Variants in KDM7A observed in about 807,000 individuals in gnomAD.
KDM7A encodes lysine-specific demethylase 7A.
A neutral mutation model predicts 114.8 loss-of-function variants in KDM7A; 28 were observed. That is an observed-to-expected ratio of 0.24 (90% confidence interval 0.18 to 0.33). KDM7A has a LOEUF of 0.33. Among genes scored for constraint, KDM7A ranks in the 10% least tolerant of loss-of-function variants. KDM7A has a pLI of 1.00. For synonymous variants in KDM7A, 423 were observed against 397.8 expected, an observed-to-expected ratio of 1.06 and a Z score of -0.75; for missense variants, 942 against 1,142.5, an observed-to-expected ratio of 0.82 and a Z score of 2.53.
At chr7:140,161,405 C>T (rs1794516649) in intron 1 of KDM7A, among the ~76,000 whole-genome samples, 1 of 152,262 alleles carries the variant, frequency 6.6e-6, no homozygotes, top group Non-Finnish European at 1.5e-5. Context: ...AGTTAAAATG[C>T]TACCAAAACT....
rs1183665386 is a variant in KDM7A, at chr7:140,176,723, G to A, written c.194+21C>T. ...CGGTGGCCGGCGGTGGCGGCTGCGG[G>A]GCTGGAGGGGGTTTATTTACCTGCC... On this transcript the variant is annotated intron_variant, in intron 1 of 19. Transcript: ENST00000397560. This position sits in a 1 kb window ranked among gnomAD's most constrained non-coding sequence, Gnocchi z 4.4. The A allele has an allele frequency of 1.6e-6, 2 of 1,281,990 alleles. No homozygotes were observed. The highest frequency in any genetic ancestry group is 1.7e-5 in the South Asian group (1 of 59,172). The allele number at this position is 1,281,990 out of a possible 1,614,324, so 79.4% of individuals were successfully genotyped here. A position where few individuals can be genotyped will look rare whatever the true frequency, so the allele number is the denominator to read the frequency against.
chr7:140,130,013 G>A (rs1306789013), intron 3 of KDM7A, among the ~76,000 whole-genome samples: 1 of 152,050 alleles, frequency 6.6e-6, no homozygotes, highest in Non-Finnish European at 1.5e-5. Flanking sequence ...TTTGAGAATT[G>A]AAGAGCTCAC....
chr7:140,119,084 C>T (rs1562951376), intron 9 of KDM7A, 29 bp downstream of exon 9: 3 of 1,312,820 alleles, frequency 2.3e-6, no homozygotes, highest in Non-Finnish European at 3.3e-6. Flanking sequence ...TGCATCATAT[C>T]ATATACAAAC....
chr7:140,161,787 G>A (rs1370291154), intron 1 of KDM7A, among the ~76,000 whole-genome samples: 3 of 151,746 alleles, frequency 2.0e-5, no homozygotes, highest in African/African-American at 7.2e-5. Context: ...CTCGTGATCC[G>A]CCCGCCTCGG....
At position 140,091,319 on chromosome 7, in the gene KDM7A, T is replaced by C. The variant is rs1818015960; in HGVS notation, c.2732-131A>G. 3 of 679,170 alleles carry C rather than the reference T, an allele frequency of 4.4e-6. No individual in the cohort carries two copies. In the Admixed American group the frequency reaches 7.1e-5, roughly 16 times the overall value. 42.1% of individuals were successfully genotyped at this position (679,170 alleles called of 1,614,324 possible). ...TGTTCTGCATGGACAGAGTCATACT[T>C]CTGAACTTCCGCTGTTTAAAACCCT... On this transcript the variant is annotated intron_variant, in intron 19 of 19. Coordinates refer to ENST00000397560, the MANE Select transcript of KDM7A (RefSeq NM_030647.2).
intron 17 of KDM7A, among the ~76,000 whole-genome samples, chr7:140,096,288 A>C (rs1170167007): frequency 1.3e-5 from 2 of 152,226 alleles, no homozygotes; most frequent in East Asian, 3.8e-4. Flanking sequence ...CTGTCTGTAA[A>C]AGGGAAATAA....
chr7:140,144,251 A>G (rs1317868271), intron 1 of KDM7A, among the ~76,000 whole-genome samples: 2 of 152,222 alleles, frequency 1.3e-5, no homozygotes, highest in African/African-American at 4.8e-5. Flanking sequence ...AGATCATTCA[A>G]AGGGGAAAGA....
intron 17 of KDM7A, among the ~76,000 whole-genome samples, chr7:140,095,884 A>G (rs1264052320): frequency 1.3e-5 from 2 of 152,104 alleles, no homozygotes; most frequent in Non-Finnish European, 2.9e-5. Context: ...CTCAAAATAA[A>G]TAAATAAATA....
intron 19 of KDM7A, among the ~76,000 whole-genome samples, 163 bp downstream of exon 19, chr7:140,091,641 T>C (rs1562943107): frequency 6.6e-6 from 1 of 152,212 alleles, no homozygotes; most frequent in Non-Finnish European, 1.5e-5. Flanking sequence ...TTGGGTATCC[T>C]TTTTCTTTGT....
intron 1 of KDM7A, among the ~76,000 whole-genome samples, chr7:140,150,440 T>C (rs900867318): frequency 1.3e-5 from 2 of 152,210 alleles, no homozygotes; most frequent in Non-Finnish European, 2.9e-5. Flanking sequence ...CAAGCTTCTA[T>C]AAGCTTCTAC....
chr7:140,160,069 A>G (rs766005181), intron 1 of KDM7A, among the ~76,000 whole-genome samples: 8 of 152,310 alleles, frequency 5.3e-5, no homozygotes, highest in Non-Finnish European at 7.3e-5. Flanking sequence ...CAATAAATAC[A>G]TATTTTCTTA....
At chr7:140,107,004 T>G (rs1036126556) in intron 11 of KDM7A, among the ~76,000 whole-genome samples, 1 of 152,240 alleles carries the variant, frequency 6.6e-6, no homozygotes, top group African/African-American at 2.4e-5. Flanking sequence ...CTTGTTGAAT[T>G]GATCCCTTTA....
chr7:140,121,660 C>T (rs978376527), intron 7 of KDM7A, among the ~76,000 whole-genome samples: 1 of 152,164 alleles, frequency 6.6e-6, no homozygotes, highest in Non-Finnish European at 1.5e-5. Flanking sequence ...GCCAGGAGTA[C>T]AATATGTGAG....
intron 9 of KDM7A, among the ~76,000 whole-genome samples, chr7:140,117,042 C>T (rs1259797674): frequency 8.5e-5 from 13 of 152,168 alleles, no homozygotes; most frequent in Admixed American, 7.9e-4. Flanking sequence ...GGTCACAAGA[C>T]CACTATTCCT....
intron 13 of KDM7A, among the ~76,000 whole-genome samples, chr7:140,099,513 G>A (rs1381627681): frequency 1.3e-5 from 2 of 152,062 alleles, no homozygotes; most frequent in African/African-American, 4.8e-5. Flanking sequence ...TTAAACGGGG[G>A]TCCCCAACCC....
intron 6 of KDM7A, 25 bp from the exon 7 acceptor site, chr7:140,124,808 T>C (rs1256093467): frequency 2.0e-6 from 3 of 1,508,140 alleles, no homozygotes; most frequent in Non-Finnish European, 2.7e-6. Flanking sequence ...CATACTATTT[T>C]TGAAAAAGCA....
intron 18 of KDM7A, 172 bp from the exon 19 acceptor site, chr7:140,092,249 T>A (rs887134006): frequency 1.1e-5 from 7 of 627,210 alleles, no homozygotes; most frequent in African/African-American, 7.5e-5. Context: ...TCTCAGTAGC[T>A]CTGAAGGACT....
At chr7:140,093,536 AG>A (rs1818057513) in intron 18 of KDM7A, among the ~76,000 whole-genome samples, 1 of 152,226 alleles carries the variant, frequency 6.6e-6, no homozygotes, top group African/African-American at 2.4e-5. Context: ...TTGCAAAAAA[AG>A]GTTGTATCAC....
intron 11 of KDM7A, among the ~76,000 whole-genome samples, chr7:140,107,805 T>G (rs972408196): frequency 3.3e-5 from 5 of 152,202 alleles, no homozygotes; most frequent in African/African-American, 1.2e-4. Flanking sequence ...TTTCCTGAAT[T>G]TGAATGTTGG....
Sources: allele counts gnomAD v4.1 joint callset (sites outside exome capture counted in the v4.1 genomes callset), GRCh38; gene constraint gnomAD v4.1.1; non-coding constraint Gnocchi (gnomAD v3.1); transcripts MANE v1.5; gene names NCBI Gene and HGNC (gene_info 2026-07-23, HGNC 2026-07-21).